ITGBL1: variants seen among roughly 807,000 people sequenced by gnomAD.
The protein encoded by ITGBL1 is integrin beta-like protein 1.
Under a neutral mutation model 68.5 loss-of-function variants are expected in ITGBL1, and 51 were observed. That is an observed-to-expected ratio of 0.74 (90% CI 0.59 to 0.94). The LOEUF (loss-of-function observed/expected upper bound fraction) is 0.94. Among genes scored for constraint, ITGBL1 ranks in the 40% least tolerant of loss-of-function variants. The pLI is 0.00. For synonymous variants in ITGBL1, 209 were observed against 227.3 expected, an observed-to-expected ratio of 0.92 and a Z score of 0.72; for missense variants, 649 against 647.4, an observed-to-expected ratio of 1.00 and a Z score of -0.03.
In ITGBL1 at chr13:101,561,961, T is replaced by C. The variant is rs116000333; in HGVS notation, c.317-5738T>C. ...TATTTTTAGTTGCTCTAAAAATAAC[T>C]GACTGTCTAAAACAAAATTAATGGC... On this transcript the variant is annotated intron_variant, in intron 2 of 10. Transcript: ENST00000376180. Among the ~76,000 whole-genome samples the C allele has an allele frequency of 6.2e-3, 950 of 152,122 alleles. 12 individuals are homozygous for C. Among genetic ancestry groups the C allele is most frequent in the African/African-American group, 0.021 (888 of 41,452 alleles).
intron 7 of ITGBL1, among the ~76,000 whole-genome samples, chr13:101,658,247 A>G (rs866111797): frequency 6.6e-6 from 1 of 152,238 alleles, no homozygotes; most frequent in African/African-American, 2.4e-5. Flanking sequence ...TAATTAAAAT[A>G]AATCATTTTC....
chr13:101,592,940 T>C (rs1271657689), intron 6 of ITGBL1, among the ~76,000 whole-genome samples: 1 of 152,090 alleles, frequency 6.6e-6, no homozygotes, highest in African/African-American at 2.4e-5. Context: ...CTGACAAGCT[T>C]TTGATCAACA....
rs887899818 is a variant in ITGBL1, at chr13:101,714,400, T to G, written c.1280-38T>G. ...TCTATTCGAGATGGAAACCTTTAGTTATAAGGTGATGGTGAGTAATAGCCT... is the reference window on the plus strand; with the variant it reads ...TCTATTCGAGATGGAAACCTTTAGTGATAAGGTGATGGTGAGTAATAGCCT... On this transcript the variant is annotated intron_variant, in intron 9 of 10. Transcript: ENST00000376180. 7 of 1,136,832 alleles carry G rather than the reference T, an allele frequency of 6.2e-6. No individual in the cohort carries two copies. The African/African-American group carries it at 1.1e-4, about 17-fold the overall frequency. The allele number at this position is 1,136,832 out of a possible 1,614,324, so 70.4% of individuals were successfully genotyped here.
chr13:101,692,692 G>T lies in ITGBL1; in HGVS notation c.1123G>T (p.Val375Phe). The T allele has an allele frequency of 6.2e-7, 1 of 1,609,020 alleles. No individual in the cohort carries two copies. Among genetic ancestry groups the T allele is most frequent in the East Asian group, 2.2e-5 (1 of 44,846 alleles). Residue 375 changes from valine (V) to phenylalanine (F), a missense_variant, in exon 8 of 11, where the codon GTC becomes TTC. Transcript: ENST00000376180. Reference sequence around the variant, plus strand: ...CCGCTGTGAAGACCTCGATGGTGTGGTCTGTGGAGGTAGTAACCTTTCTCA... The same window carrying T: ...CCGCTGTGAAGACCTCGATGGTGTGTTCTGTGGAGGTAGTAACCTTTCTCA... ...DRRCEDLDGV[V>F]CGGHGTCSCG...
At chr13:101,458,513 G>A (rs569715852) in intron 2 of ITGBL1, among the ~76,000 whole-genome samples, 2 of 152,308 alleles carry the variant, frequency 1.3e-5, no homozygotes, top group South Asian at 2.1e-4. Context: ...GAGCTATTAA[G>A]AGTCCAAATA....
chr13:101,689,016 G>T (rs1420678136), intron 7 of ITGBL1, among the ~76,000 whole-genome samples: 1 of 146,770 alleles, frequency 6.8e-6, no homozygotes, highest in Non-Finnish European at 1.5e-5. Flanking sequence ...CTGGCCGACA[G>T]GTGTAATCCT....
At chr13:101,652,771 A>G (rs907091309) in intron 7 of ITGBL1, among the ~76,000 whole-genome samples, 2 of 152,122 alleles carry the variant, frequency 1.3e-5, no homozygotes, top group African/African-American at 2.4e-5. Context: ...AGACGCACCA[A>G]AGTTACCTCA....
At chr13:101,555,268 A>T (rs1566729963) in intron 2 of ITGBL1, among the ~76,000 whole-genome samples, 1 of 152,234 alleles carries the variant, frequency 6.6e-6, no homozygotes, top group Non-Finnish European at 1.5e-5. Context: ...TTCATTTATA[A>T]TTTATATAGG....
At chr13:101,512,577 T>G (rs769374028) in intron 2 of ITGBL1, among the ~76,000 whole-genome samples, 1 of 152,168 alleles carries the variant, frequency 6.6e-6, no homozygotes, top group Non-Finnish European at 1.5e-5. Context: ...ATCAAAGATT[T>G]AGGACTGTGG....
At chr13:101,658,157 T>C (rs2032983534) in intron 7 of ITGBL1, among the ~76,000 whole-genome samples, 1 of 152,240 alleles carries the variant, frequency 6.6e-6, no homozygotes, top group Non-Finnish European at 1.5e-5. Context: ...TGTATGCTCC[T>C]TTTAAGAAAC....
chr13:101,636,746 C>G (rs990704802), intron 7 of ITGBL1, among the ~76,000 whole-genome samples: 1 of 151,998 alleles, frequency 6.6e-6, no homozygotes, highest in Non-Finnish European at 1.5e-5. Flanking sequence ...ATACACTGGT[C>G]CTGGTGATTT....
intron 6 of ITGBL1, among the ~76,000 whole-genome samples, chr13:101,585,403 T>C (rs894022170): frequency 5.9e-5 from 9 of 152,196 alleles, no homozygotes; most frequent in Non-Finnish European, 8.8e-5. Flanking sequence ...GTTAAAACTA[T>C]GCTGGCATTC....
At chr13:101,545,311 CAA>C (rs2049800105) in intron 2 of ITGBL1, among the ~76,000 whole-genome samples, 1 of 152,040 alleles carries the variant, frequency 6.6e-6, no homozygotes, top group Admixed American at 6.6e-5. Flanking sequence ...AATGTTGTCA[CAA>C]GAAGAATAGA....
intron 7 of ITGBL1, among the ~76,000 whole-genome samples, chr13:101,637,258 T>C (rs2032199360): frequency 6.6e-6 from 1 of 152,080 alleles, no homozygotes; most frequent in Non-Finnish European, 1.5e-5. Flanking sequence ...TTTGTGTATG[T>C]ATGTAACCAT....
At chr13:101,570,945 A>T (rs906865195) in intron 3 of ITGBL1, among the ~76,000 whole-genome samples, 2 of 152,284 alleles carry the variant, frequency 1.3e-5, no homozygotes, top group East Asian at 3.9e-4. Flanking sequence ...CCTTGTCTCC[A>T]TTTTAATTTA....
intron 7 of ITGBL1, among the ~76,000 whole-genome samples, chr13:101,672,517 C>G (rs1460364263): frequency 6.6e-6 from 1 of 152,174 alleles, no homozygotes; most frequent in Middle Eastern, 3.2e-3. Flanking sequence ...AAGGAGCAGA[C>G]AAGATGGTTC....
chr13:101,454,119 C>G lies in ITGBL1; in HGVS notation c.316+19C>G. 6.7e-7 allele frequency: 1 copy of G among 1,503,598 alleles called. No individual in the cohort carries two copies. The allele number at this position is 1,503,598 out of a possible 1,614,324, so 93.1% of individuals were successfully genotyped here. A position where few individuals can be genotyped will look rare whatever the true frequency, so the allele number is the denominator to read the frequency against. ...TGTGCAGGTAAGAGGGCGGCGCTGT[C>G]TCCTCCCTCGGGAGGTCGAAACTCC... On this transcript the variant is annotated intron_variant, in intron 2 of 10. Transcript: ENST00000376180.
At chr13:101,464,117 T>C (rs1002455739) in intron 2 of ITGBL1, among the ~76,000 whole-genome samples, 2 of 152,024 alleles carry the variant, frequency 1.3e-5, no homozygotes, top group African/African-American at 2.4e-5. Flanking sequence ...CAGGCTGGTC[T>C]GAAACTCCTG....
chr13:101,605,173 T>TACACATATA (rs2030690381), intron 7 of ITGBL1, among the ~76,000 whole-genome samples: 7 of 84,738 alleles, frequency 8.3e-5, no homozygotes, highest in Admixed American at 2.6e-4. Flanking sequence ...TGCGTATATA[T>TACACATATA]GCACATATAG....
Sources: gnomAD v4.1 joint callset for allele counts (sites outside exome capture counted in the v4.1 genomes callset) on GRCh38, gnomAD v4.1.1 for gene constraint, MANE v1.5 for transcripts, NCBI Gene and HGNC (gene_info 2026-07-23, HGNC 2026-07-21) for gene names.